RBFOX1: variants seen among roughly 807,000 people sequenced by gnomAD.
The protein encoded by RBFOX1 is RNA binding protein fox-1 homolog 1.
RBFOX1 carries 8 observed loss-of-function variants against 57.7 expected under a neutral mutation model. That is an observed-to-expected ratio of 0.14 (90% confidence interval 0.08 to 0.25). The LOEUF is 0.25. RBFOX1 is among the 10% of genes least tolerant of loss of function. The pLI is 1.00. For missense variants in RBFOX1, 611 were observed against 548.5 expected (o/e 1.11, Z -1.14); for synonymous variants, 326 against 222.4 (o/e 1.47, Z -4.15).
chr16:5,558,088 G>A (rs2151098968), intron 2 of RBFOX1, among the ~76,000 whole-genome samples: 1 of 152,264 alleles, frequency 6.6e-6, no homozygotes. Flanking sequence ...CTTTCTGAGA[G>A]CCACTCCCAT....
At chr16:5,643,467 C>T (rs899684034) in intron 3 of RBFOX1, among the ~76,000 whole-genome samples, 7 of 152,304 alleles carry the variant, frequency 4.6e-5, no homozygotes, top group African/African-American at 1.7e-4. Flanking sequence ...TAGAGCTTCT[C>T]TGCTGAGAGG....
intron 4 of RBFOX1, among the ~76,000 whole-genome samples, chr16:7,320,321 A>G (rs376727842): frequency 2.0e-5 from 3 of 152,088 alleles, no homozygotes. Context: ...GAGTGAGAAC[A>G]TGGAGTGTCT....
At chr16:6,287,838 C>A (rs576835511) in intron 1 of RBFOX1, among the ~76,000 whole-genome samples, 1 of 152,228 alleles carries the variant, frequency 6.6e-6, no homozygotes, top group African/African-American at 2.4e-5. Flanking sequence ...TGTTTCTAAT[C>A]TAGAAAGATC....
At chr16:5,712,090 G>C (rs79832728) in intron 3 of RBFOX1, among the ~76,000 whole-genome samples, 1 of 152,150 alleles carries the variant, frequency 6.6e-6, no homozygotes, top group East Asian at 1.9e-4. Context: ...AGAAGTGAAG[G>C]GGGAGGAGCC....
intron 1 of RBFOX1, among the ~76,000 whole-genome samples, chr16:6,267,838 G>C (rs939250160): frequency 6.6e-6 from 1 of 152,140 alleles, no homozygotes; most frequent in African/African-American, 2.4e-5. Flanking sequence ...TCCTGTGACA[G>C]TTTCTTAGCC....
chr16:7,700,377 A>T (rs1281012692), intron 14 of RBFOX1, among the ~76,000 whole-genome samples: 2 of 152,182 alleles, frequency 1.3e-5, no homozygotes, highest in Non-Finnish European at 2.9e-5. Flanking sequence ...AACCAACTCA[A>T]AGAGAAGAAC....
intron 4 of RBFOX1, among the ~76,000 whole-genome samples, chr16:7,506,672 C>T (rs2073415225): frequency 1.3e-5 from 2 of 152,116 alleles, no homozygotes; most frequent in African/African-American, 4.8e-5. Context: ...CAATAAGACT[C>T]ATAATAAGAT....
At chr16:5,816,991 C>G (rs1312149489) in intron 3 of RBFOX1, among the ~76,000 whole-genome samples, 2 of 152,292 alleles carry the variant, frequency 1.3e-5, no homozygotes, top group Non-Finnish European at 2.9e-5. Context: ...TTTCTTCTGT[C>G]AGTCTCTCCT....
chr16:5,428,092 G>A (rs574362625), intron 1 of RBFOX1, among the ~76,000 whole-genome samples: 2 of 151,808 alleles, frequency 1.3e-5, no homozygotes, highest in South Asian at 4.2e-4. Flanking sequence ...ACCCCTGGGG[G>A]TGGCTCTGGA....
At chr16:7,412,584 T>C (rs879635356) in intron 4 of RBFOX1, among the ~76,000 whole-genome samples, 2 of 152,184 alleles carry the variant, frequency 1.3e-5, no homozygotes, top group Non-Finnish European at 1.5e-5. Flanking sequence ...AATCAAATAC[T>C]TTCTAGATTT....
intron 4 of RBFOX1, among the ~76,000 whole-genome samples, chr16:7,120,888 TAATAC>T (rs1454528881): frequency 9.1e-6 from 1 of 109,414 alleles, no homozygotes; most frequent in African/African-American, 3.1e-5. Flanking sequence ...GGAATACATA[TAATAC>T]AGAAAAATAA....
chr16:5,877,774 T>A (rs1480231995), intron 4 of RBFOX1, among the ~76,000 whole-genome samples: 1 of 152,200 alleles, frequency 6.6e-6, no homozygotes, highest in Non-Finnish European at 1.5e-5. Context: ...GAACAGATTA[T>A]GGAGAAATGT....
intron 4 of RBFOX1, among the ~76,000 whole-genome samples, chr16:7,476,893 A>G (rs187985592): frequency 6.6e-6 from 1 of 152,260 alleles, no homozygotes; most frequent in Admixed American, 6.5e-5. Flanking sequence ...TGGAGATTAC[A>G]TTTTCAATTC....
chr16:6,413,374 A>G (rs1328682695), intron 2 of RBFOX1, among the ~76,000 whole-genome samples: 1 of 151,162 alleles, frequency 6.6e-6, no homozygotes, highest in Non-Finnish European at 1.5e-5. Flanking sequence ...CTGTTGCCTT[A>G]GCTGGTCTTG....
chr16:7,293,462 C>T (rs2095833761), intron 4 of RBFOX1, among the ~76,000 whole-genome samples: 2 of 152,268 alleles, frequency 1.3e-5, no homozygotes, highest in South Asian at 4.1e-4. Flanking sequence ...ATTCTCTCTG[C>T]CACCATCTTC....
intron 3 of RBFOX1, among the ~76,000 whole-genome samples, chr16:5,660,639 A>G (rs2049615425): frequency 6.6e-6 from 1 of 152,114 alleles, no homozygotes; most frequent in Admixed American, 6.6e-5. Flanking sequence ...CTTTCTCTGC[A>G]CAGTTCATTA....
At chr16:6,345,140 G>A (rs1396035422) in intron 2 of RBFOX1, among the ~76,000 whole-genome samples, 1 of 152,170 alleles carries the variant, frequency 6.6e-6, no homozygotes, top group African/African-American at 2.4e-5. Flanking sequence ...TTCTCTCCTA[G>A]GTAGACTTAA....
chr16:7,260,048 A>G (rs1175740052), intron 4 of RBFOX1, among the ~76,000 whole-genome samples: 1 of 152,184 alleles, frequency 6.6e-6, no homozygotes, highest in Non-Finnish European at 1.5e-5. Flanking sequence ...CTCCATAAGA[A>G]CAGAGACTGT....
intron 4 of RBFOX1, among the ~76,000 whole-genome samples, chr16:5,884,058 C>A (rs562772815): frequency 3.3e-5 from 5 of 152,314 alleles, no homozygotes; most frequent in African/African-American, 7.2e-5. Context: ...AACTTCTCAT[C>A]TGAAAGATGG....
Sources: allele counts gnomAD v4.1 joint callset (sites outside exome capture counted in the v4.1 genomes callset), GRCh38; gene constraint gnomAD v4.1.1; transcripts MANE v1.5; gene names NCBI Gene and HGNC (gene_info 2026-07-23, HGNC 2026-07-21).